MAOA: variants seen among roughly 807,000 people sequenced by gnomAD.
MAOA encodes the protein amine oxidase [flavin-containing] A.
MAOA carries 6 observed loss-of-function variants against 42.0 expected under a neutral mutation model. The ratio of observed to expected loss-of-function variants is 0.14; its 90% CI spans 0.08 to 0.28. MAOA has a LOEUF of 0.28. MAOA is among the 10% of genes least tolerant of loss of function. The pLI, the probability that MAOA is intolerant of heterozygous loss-of-function variation, is 1.00. For synonymous variants in MAOA, 140 were observed against 154.0 expected (o/e 0.91, Z 0.67); for missense variants, 262 against 422.3 (o/e 0.62, Z 3.33).
chrX:43,729,914 C>T (rs2033866837), intron 6 of MAOA, among the ~76,000 whole-genome samples: 1 of 111,473 alleles, frequency 9.0e-6, no homozygotes, highest in South Asian at 3.7e-4. Context: ...AATCTTCTGG[C>T]TGGGCGCGGT....
At chrX:43,669,238 G>A (rs1355972106) in intron 1 of MAOA, among the ~76,000 whole-genome samples, 4 of 101,303 alleles carry the variant, frequency 3.9e-5, no homozygotes, top group Admixed American at 2.2e-4. Context: ...GTAAAACCCC[G>A]TCTCTACTAA....
At chrX:43,716,396 A>T (rs903164638) in intron 5 of MAOA, among the ~76,000 whole-genome samples, 1 of 111,878 alleles carries the variant, frequency 8.9e-6, no homozygotes, top group Non-Finnish European at 1.9e-5. Context: ...AGCTAGGTGG[A>T]TGGGATCTGC....
At chrX:43,682,404 A>C (rs1331587745) in intron 1 of MAOA, among the ~76,000 whole-genome samples, 1 of 111,762 alleles carries the variant, frequency 8.9e-6, no homozygotes, top group Non-Finnish European at 1.9e-5. Flanking sequence ...CACACACAAA[A>C]TGATAGGGGC....
At chrX:43,655,628 A>C (rs1339749275), upstream of MAOA, 1 of 111,652 alleles carries the variant, frequency 9.0e-6, no homozygotes, top group African/African-American at 3.3e-5. Context: ...CCGTAGAGTC[A>C]TTGCAAGGGT....
chrX:43,674,965 C>T (rs1397498913), intron 1 of MAOA, among the ~76,000 whole-genome samples: 1 of 111,409 alleles, frequency 9.0e-6, no homozygotes, highest in Non-Finnish European at 1.9e-5. Flanking sequence ...GTGGTGTTCT[C>T]TGTATTTCCT....
At chrX:43,662,911 TC>T (rs2033247290) in intron 1 of MAOA, among the ~76,000 whole-genome samples, 1 of 111,280 alleles carries the variant, frequency 9.0e-6, no homozygotes, top group African/African-American at 3.3e-5. Flanking sequence ...GGACTGTTTC[TC>T]CTCCTTTATC....
chrX:43,706,720 T>C (rs2033661967), intron 3 of MAOA, among the ~76,000 whole-genome samples: 1 of 111,560 alleles, frequency 9.0e-6, no homozygotes, highest in Non-Finnish European at 1.9e-5. Flanking sequence ...AGGCTGAGGC[T>C]GGAGAATCAC....
chrX:43,739,059 T>C (rs1051608502), intron 10 of MAOA, among the ~76,000 whole-genome samples: 1 of 111,211 alleles, frequency 9.0e-6, no homozygotes, highest in Non-Finnish European at 1.9e-5. Context: ...CTCAGAAGGG[T>C]AATAGCCTTA....
intron 1 of MAOA, among the ~76,000 whole-genome samples, chrX:43,676,117 G>A (rs2033392984): frequency 8.9e-6 from 1 of 112,348 alleles, no homozygotes; most frequent in East Asian, 2.8e-4. Context: ...CTTCCCGGCT[G>A]CTTTGTTTAC....
intron 1 of MAOA, among the ~76,000 whole-genome samples, chrX:43,668,769 A>C (rs1178188801): frequency 8.9e-6 from 1 of 111,835 alleles, no homozygotes; most frequent in Non-Finnish European, 1.9e-5. Context: ...GCTAGTTATA[A>C]TGCTTTTTCA....
intron 5 of MAOA, among the ~76,000 whole-genome samples, chrX:43,721,872 A>G (rs1176342968): frequency 9.1e-6 from 1 of 109,868 alleles, no homozygotes; most frequent in Non-Finnish European, 1.9e-5. Flanking sequence ...CTGGTGTGTG[A>G]TGTTCCCCTC....
intron 5 of MAOA, among the ~76,000 whole-genome samples, chrX:43,717,875 G>C (rs1257379321): frequency 9.1e-6 from 1 of 110,010 alleles, no homozygotes; most frequent in Non-Finnish European, 1.9e-5. Flanking sequence ...ATGAGGTAGG[G>C]AGATGGTATC....
intron 3 of MAOA, among the ~76,000 whole-genome samples, chrX:43,703,209 G>A (rs1344873318): frequency 9.0e-6 from 1 of 111,446 alleles, no homozygotes; most frequent in Admixed American, 9.5e-5. Flanking sequence ...ACTTCATCTA[G>A]TAGTAGGGGG....
At chrX:43,673,758 G>A (rs762859397) in intron 1 of MAOA, among the ~76,000 whole-genome samples, 1 of 112,041 alleles carries the variant, frequency 8.9e-6, no homozygotes, top group African/African-American at 3.2e-5. Context: ...GAGTGGTTTT[G>A]AGTGAATTTC....
At chrX:43,733,125 A>G (rs1399797803) in intron 9 of MAOA, among the ~76,000 whole-genome samples, 1 of 112,293 alleles carries the variant, frequency 8.9e-6, no homozygotes, top group Non-Finnish European at 1.9e-5. Context: ...GAATGTCCAC[A>G]GCCATTCTGA....
intron 2 of MAOA, among the ~76,000 whole-genome samples, chrX:43,688,123 G>T (rs2033502222): frequency 8.9e-6 from 1 of 112,625 alleles, no homozygotes; most frequent in South Asian, 3.6e-4. Context: ...ACAATGTCCT[G>T]TGAGGCTTTA....
At chrX:43,727,118 C>G (rs1374957998) in intron 5 of MAOA, among the ~76,000 whole-genome samples, 2 of 112,106 alleles carry the variant, frequency 1.8e-5, no homozygotes, top group Non-Finnish European at 3.8e-5. Context: ...TTGGCCCCTA[C>G]TGGGAGGTGT....
At chrX:43,709,676 A>T (rs2033685507) in intron 3 of MAOA, among the ~76,000 whole-genome samples, 1 of 112,065 alleles carries the variant, frequency 8.9e-6, no homozygotes, top group Admixed American at 9.5e-5. Flanking sequence ...AATTATAACA[A>T]GGACCAGCTG....
chrX:43,668,190 G>C (rs953789322), intron 1 of MAOA, among the ~76,000 whole-genome samples: 1 of 112,114 alleles, frequency 8.9e-6, no homozygotes, highest in Non-Finnish European at 1.9e-5. Context: ...AACCCAATAA[G>C]CCAAAATGGT....
Sources: allele counts gnomAD v4.1 joint callset (sites outside exome capture counted in the v4.1 genomes callset), GRCh38; gene constraint gnomAD v4.1.1; transcripts MANE v1.5; gene names NCBI Gene and HGNC (gene_info 2026-07-23, HGNC 2026-07-21).